Variants in CNIH3 observed in about 807,000 individuals in gnomAD.
CNIH3 encodes the protein protein cornichon homolog 3.
CNIH3 carries 14 observed loss-of-function variants against 24.1 expected under a neutral mutation model. The ratio of observed to expected loss-of-function variants is 0.58; its 90% CI spans 0.38 to 0.91. The LOEUF (loss-of-function observed/expected upper bound fraction) is 0.91. Ranked by LOEUF, CNIH3 falls within the 40% of genes least tolerant of loss-of-function variation. The pLI, the probability that CNIH3 is intolerant of heterozygous loss-of-function variation, is 0.00. For missense variants in CNIH3, 178 were observed against 196.8 expected (o/e 0.90, Z 0.57); for synonymous variants, 68 against 73.8 (o/e 0.92, Z 0.40).
intron 1 of CNIH3, among the ~76,000 whole-genome samples, chr1:224,667,214 C>T (rs1366006897): frequency 6.6e-6 from 1 of 152,162 alleles, no homozygotes; most frequent in Non-Finnish European, 1.5e-5. Flanking sequence ...CCTCGAATTT[C>T]ATAAAGAAAA....
At chr1:224,641,245 C>G (rs544562892) in intron 1 of CNIH3, among the ~76,000 whole-genome samples, 1 of 152,136 alleles carries the variant, frequency 6.6e-6, no homozygotes, top group African/African-American at 2.4e-5. Flanking sequence ...CCCCACCTGC[C>G]GGGGAGGGGA....
In CNIH3 at chr1:224,654,643, AG is replaced by A. The variant is rs1214272344; in HGVS notation, c.82-26313del. ...GCTATACACAATAACTCCATACAGC[AG>A]GTCACTTCCTTTAGTTACTTAGGGA... On this transcript the variant is annotated intron_variant, in intron 1 of 5. Transcript: ENST00000272133. Among the ~76,000 whole-genome samples, 3 of 152,212 alleles carry A rather than the reference AG, an allele frequency of 2.0e-5. No homozygotes were observed. In the South Asian group the frequency reaches 6.2e-4, roughly 31 times the overall value.
rs745791688 is a variant in CNIH3 at position 224,684,861 on chromosome 1, A to G, written c.198+18A>G. The stretch of plus-strand genomic sequence containing the variant: ...TGCGAAAGGTCAGTGTGGCAGCTTC[A>G]TGCCGAGGATGGAGGATCGCATGGT... On this transcript the variant is annotated intron_variant, in intron 3 of 5. Coordinates refer to ENST00000272133, the MANE Select transcript of CNIH3 (RefSeq NM_152495.2). The surrounding 1 kb of genome is among the most constrained non-coding windows in gnomAD (Gnocchi z 4.2). The G allele has an allele frequency of 3.1e-6, 5 of 1,612,410 alleles. No individual in the cohort carries two copies. The South Asian group carries it at 3.3e-5, about 11-fold the overall frequency.
chr1:224,645,322 C>T (rs548051844), intron 1 of CNIH3, among the ~76,000 whole-genome samples: 30 of 152,324 alleles, frequency 2.0e-4, no homozygotes, highest in South Asian at 8.3e-4. Flanking sequence ...GCAGAGGAGA[C>T]TCAGCCCCCA....
At chr1:224,597,536 G>A (rs1682035835) in intron 3 of CNIH3, among the ~76,000 whole-genome samples, 1 of 152,132 alleles carries the variant, frequency 6.6e-6, no homozygotes, top group Non-Finnish European at 1.5e-5. Context: ...ACCCAAAGAA[G>A]TATTTATAAA....
At chr1:224,738,980 A>T (rs1689733354) in intron 5 of CNIH3, among the ~76,000 whole-genome samples, 1 of 152,162 alleles carries the variant, frequency 6.6e-6, no homozygotes, top group African/African-American at 2.4e-5. Flanking sequence ...GGCATAAAGA[A>T]TCCACTGCAC....
chr1:224,475,464 C>A (rs972498380), intron 1 of CNIH3, among the ~76,000 whole-genome samples: 1 of 151,912 alleles, frequency 6.6e-6, no homozygotes, highest in Non-Finnish European at 1.5e-5. Flanking sequence ...CAATTATATG[C>A]TAATAAATTG....
rs897077468 is a variant in CNIH3 at position 224,451,798 on chromosome 1, C to T, written n.203+16936C>T. Among the ~76,000 whole-genome samples, 20 of 152,100 alleles carry T rather than the reference C, an allele frequency of 1.3e-4. 1 individual carries two copies. Among genetic ancestry groups the T allele is most frequent in the South Asian group, 6.2e-4 (3 of 4,826 alleles). On this transcript the variant is annotated intron_variant and non_coding_transcript_variant, in intron 1 of 5. Transcript: ENST00000471578. ...ATCCCCAGTCAGATTGCTTCTGGTT[C>T]GTAAAGTGGGGTAGCAAAGTGGTGA...
intron 1 of CNIH3, among the ~76,000 whole-genome samples, chr1:224,497,267 G>T (rs559370904): frequency 2.4e-4 from 37 of 152,330 alleles, no homozygotes; most frequent in African/African-American, 8.7e-4. Flanking sequence ...TCTTCCTGGG[G>T]TGATGAAAAT....
chr1:224,553,358 T>C (rs1037094239), intron 3 of CNIH3, among the ~76,000 whole-genome samples: 6 of 152,056 alleles, frequency 3.9e-5, no homozygotes, highest in African/African-American at 1.5e-4. Context: ...CCAGGTTGTT[T>C]TCTGCCGTCC....
intron 1 of CNIH3, among the ~76,000 whole-genome samples, chr1:224,648,278 G>GC (rs1338708495): frequency 2.0e-5 from 3 of 152,030 alleles, no homozygotes; most frequent in African/African-American, 7.3e-5. Flanking sequence ...GGGTGTGGTG[G>GC]CGGGTACCTG....
intron 3 of CNIH3, among the ~76,000 whole-genome samples, chr1:224,720,769 A>C (rs1688678666): frequency 6.6e-6 from 1 of 152,150 alleles, no homozygotes; most frequent in Non-Finnish European, 1.5e-5. Context: ...TCCCAGGTTT[A>C]AAAAGAGACT....
At chr1:224,495,124 G>A (rs1341868) in intron 1 of CNIH3, among the ~76,000 whole-genome samples, 69,760 of 152,020 alleles carry the variant, frequency 0.46, 18,577 homozygotes, top group East Asian at 0.86. Flanking sequence ...TCCCGTGGTA[G>A]GCAGGGGAGA....
chr1:224,658,478 A>G (rs915084476), intron 1 of CNIH3, among the ~76,000 whole-genome samples: 5 of 152,146 alleles, frequency 3.3e-5, no homozygotes, highest in African/African-American at 1.2e-4. Context: ...AAAAGACTGA[A>G]TTTAAAACTT....
chr1:224,493,090 T>C (rs1316744758), intron 1 of CNIH3, among the ~76,000 whole-genome samples: 1 of 152,220 alleles, frequency 6.6e-6, no homozygotes, highest in Admixed American at 6.5e-5. Flanking sequence ...CTTGAAATCT[T>C]GTTTTATTTG....
intron 3 of CNIH3, among the ~76,000 whole-genome samples, chr1:224,687,568 C>A (rs755865517): frequency 6.6e-6 from 1 of 152,166 alleles, no homozygotes; most frequent in Non-Finnish European, 1.5e-5. Context: ...TCTCCCTCCT[C>A]CTCCAGTCCT....
chr1:224,726,118 G>A (rs1461120885), intron 3 of CNIH3, among the ~76,000 whole-genome samples: 4 of 152,224 alleles, frequency 2.6e-5, no homozygotes, highest in Admixed American at 2.6e-4. Context: ...GCTGAGCATG[G>A]CATATACTGC....
At chr1:224,581,009 G>A (rs577757961) in intron 4 of CNIH3, among the ~76,000 whole-genome samples, 112 of 152,290 alleles carry the variant, frequency 7.4e-4, no homozygotes, top group African/African-American at 2.6e-3. Flanking sequence ...TTGTCAGGGT[G>A]AGGGAGGCCC....
At chr1:224,589,748 C>T (rs1232128156), downstream of CNIH3, among the ~76,000 whole-genome samples, 1 of 152,174 alleles carries the variant, frequency 6.6e-6, no homozygotes, top group Non-Finnish European at 1.5e-5. Context: ...TCACTTGCAG[C>T]ATGGGATTGA....
Sources: allele counts gnomAD v4.1 joint callset (sites outside exome capture counted in the v4.1 genomes callset), GRCh38; gene constraint gnomAD v4.1.1; non-coding constraint Gnocchi (gnomAD v3.1); transcripts MANE v1.5; gene names NCBI Gene and HGNC (gene_info 2026-07-23, HGNC 2026-07-21).